LONRF1: variants seen among roughly 807,000 people sequenced by gnomAD.
LONRF1 encodes the protein LON peptidase N-terminal domain and ring finger 1.
In LONRF1, 37 loss-of-function variants were observed where a neutral mutation model predicts 85.8. The ratio of observed to expected loss-of-function variants is 0.43; its 90% CI spans 0.33 to 0.57. The LOEUF is 0.57. LONRF1 is among the 20% of genes least tolerant of loss of function. The pLI is 0.04. For synonymous variants in LONRF1, 517 were observed against 390.1 expected (o/e 1.33, Z -3.83); for missense variants, 1,036 against 978.0 (o/e 1.06, Z -0.79).
intron 7 of LONRF1, 82 bp downstream of exon 7, chr8:12,735,204 T>C: frequency 1.2e-6 from 1 of 852,918 alleles, no homozygotes; most frequent in Non-Finnish European, 1.9e-6. Context: ...AACGTGATCA[T>C]CACTATTTCT....
chr8:12,752,630 CATCTTTCAGAG>C (rs1326075969), intron 1 of LONRF1, among the ~76,000 whole-genome samples: 2 of 152,294 alleles, frequency 1.3e-5, no homozygotes, highest in African/African-American at 4.8e-5. Context: ...AGAGAGATTA[CATCTTTCAGAG>C]CCTTTTCCTG....
chr8:12,748,343 A>G lies in LONRF1; in HGVS notation c.722-5061T>C, dbSNP rs1042307046. Among the ~76,000 whole-genome samples the G allele has an allele frequency of 3.3e-5, 5 of 152,198 alleles. No homozygotes were observed. The South Asian group carries it at 6.2e-4, about 19-fold the overall frequency. On this transcript the variant is annotated intron_variant, in intron 1 of 11. Transcript: ENST00000398246. ...CCTCAGTAGCTGGGACTCCAGGTGC[A>G]TGCCTCCACACCTGGCTAATTTTTA... is the stretch of plus-strand genomic sequence containing the variant.
chr8:12,735,475 TA>T, intron 6 of LONRF1, 75 bp from the exon 7 acceptor site: 1 of 912,604 alleles, frequency 1.1e-6, no homozygotes, highest in Non-Finnish European at 1.8e-6. Context: ...TTTAGAACCA[TA>T]ACACTAATCT....
chr8:12,741,142 G>C, intron 2 of LONRF1, 146 bp from the exon 3 acceptor site: 2 of 783,898 alleles, frequency 2.6e-6, no homozygotes, highest in Non-Finnish European at 4.0e-6. Context: ...CCAGCACTTT[G>C]GGAGGCTGAC....
chr8:12,728,454 G>T (rs1196564957), intron 10 of LONRF1, among the ~76,000 whole-genome samples: 2 of 152,164 alleles, frequency 1.3e-5, no homozygotes, highest in Non-Finnish European at 2.9e-5. Flanking sequence ...TATAAGATTT[G>T]ATGTGTTTAC....
rs758082820 is a variant in LONRF1 at position 12,737,971 on chromosome 8, T to C, written c.1113+24A>G. On this transcript the variant is annotated intron_variant, in intron 4 of 11. Transcript: ENST00000398246. Reference sequence around the variant, plus strand: ...TAAAGAAATGGATACGCTAAACTCATGATAACCTTGTCTCACCCCGTACCT... The same window carrying C: ...TAAAGAAATGGATACGCTAAACTCACGATAACCTTGTCTCACCCCGTACCT... 3.1e-6 allele frequency: 5 copies of C among 1,588,232 alleles called. No individual in the cohort carries two copies. In the East Asian group the frequency reaches 1.1e-4, roughly 36 times the overall value.
rs368234214 is a variant in LONRF1, at chr8:12,741,015, T to A, written c.841-19A>T. 1 of 1,609,586 alleles carries A rather than the reference T, an allele frequency of 6.2e-7. No homozygotes were observed. Among genetic ancestry groups the A allele is most frequent in the Admixed American group, 1.7e-5 (1 of 59,136 alleles). On this transcript the variant is annotated intron_variant, in intron 2 of 11. Coordinates refer to ENST00000398246, the MANE Select transcript of LONRF1 (RefSeq NM_152271.5). ...AGTAGACCTTTAATAAAAGCAGATA[T>A]ATAAAACCTTTGTGTTAAGAATTGC... is the stretch of plus-strand genomic sequence containing the variant.
intron 7 of LONRF1, among the ~76,000 whole-genome samples, chr8:12,733,361 A>G (rs1039346496): frequency 2.6e-5 from 4 of 152,170 alleles, no homozygotes; most frequent in Non-Finnish European, 5.9e-5. Flanking sequence ...CAATCCAACA[A>G]TTGGTTTTAA....
intron 10 of LONRF1, among the ~76,000 whole-genome samples, chr8:12,728,409 G>A (rs968361566): frequency 1.2e-4 from 18 of 152,092 alleles, no homozygotes; most frequent in African/African-American, 4.1e-4. Context: ...GGTTATCTTA[G>A]GCACAAGAAC....
chr8:12,745,319 T>C (rs543677881), intron 1 of LONRF1, among the ~76,000 whole-genome samples: 3,584 of 80,968 alleles, frequency 0.044, 75 homozygotes, highest in South Asian at 0.23. Context: ...ATTATTTTTT[T>C]GGAAAAAAAA....
intron 1 of LONRF1, among the ~76,000 whole-genome samples, chr8:12,744,818 T>A (rs565397780): frequency 1.3e-5 from 2 of 152,194 alleles, no homozygotes; most frequent in Non-Finnish European, 2.9e-5. Flanking sequence ...CAGACTCCGC[T>A]CTAGTACCTC....
At chr8:12,739,677 T>A (rs1001243057) in intron 3 of LONRF1, among the ~76,000 whole-genome samples, 8 of 152,166 alleles carry the variant, frequency 5.3e-5, no homozygotes, top group African/African-American at 1.7e-4. Flanking sequence ...TTCTAAAGCA[T>A]TATTTGTTTT....
At chr8:12,746,136 T>C (rs1378839193) in intron 1 of LONRF1, among the ~76,000 whole-genome samples, 1 of 152,210 alleles carries the variant, frequency 6.6e-6, no homozygotes, top group Non-Finnish European at 1.5e-5. Context: ...ATCCTATCTC[T>C]AGTAATCCTG....
chr8:12,738,634 C>G (rs1382143105), intron 3 of LONRF1: 1 of 152,258 alleles, frequency 6.6e-6, no homozygotes, highest in African/African-American at 2.4e-5. Context: ...AATAACTAAC[C>G]TGTGTGGGCA....
At chr8:12,754,664 G>T (rs1162118421) in intron 1 of LONRF1, 36 bp downstream of exon 1, 2 of 1,299,510 alleles carry the variant, frequency 1.5e-6, no homozygotes, top group Non-Finnish European at 1.9e-6. Flanking sequence ...AGGAGGGTGC[G>T]GTCGGCCCGG....
At position 12,722,931 on chromosome 8, in the gene LONRF1, G is replaced by C. The variant is rs1805969793; in HGVS notation, c.*165C>G. The stretch of plus-strand genomic sequence containing the variant: ...CAAGTTCTTAGTGGTCTAAATCCTA[G>C]TTGAAGGTATTCATTTGCAGAACCA... On this transcript the variant is annotated 3_prime_UTR_variant, in exon 12 of 12. Coordinates refer to ENST00000398246, the MANE Select transcript of LONRF1 (RefSeq NM_152271.5). 11 of 612,316 alleles carry C rather than the reference G, an allele frequency of 1.8e-5. No homozygotes were observed. Among genetic ancestry groups the C allele is most frequent in the Non-Finnish European group, 2.2e-5 (8 of 359,488 alleles). The allele number at this position is 612,316 out of a possible 1,614,324, so 37.9% of individuals were successfully genotyped here.
chr8:12,735,944 T>C (rs767604321), intron 6 of LONRF1, among the ~76,000 whole-genome samples: 13 of 152,306 alleles, frequency 8.5e-5, no homozygotes, highest in East Asian at 1.9e-4. Context: ...TAATACTAAA[T>C]GTATTATTCA....
chr8:12,748,124 A>G (rs1273103988), intron 1 of LONRF1, among the ~76,000 whole-genome samples: 2 of 152,196 alleles, frequency 1.3e-5, no homozygotes, highest in Non-Finnish European at 2.9e-5. Flanking sequence ...AAAAAGTATA[A>G]CAAACGTCTA....
chr8:12,727,263 CGCT>C lies in LONRF1; in HGVS notation c.2011-1387_2011-1385del, dbSNP rs573549519. On this transcript the variant is annotated intron_variant, in intron 10 of 11. Transcript: ENST00000398246. ...GAGCTGGCCAAAAAGCAGGCAGAGA[CGCT>C]TTTAAAGTCTCTGCCTGCTTTTTGG... 6.1e-4 allele frequency: 89 copies of C among 145,096 alleles called. No homozygotes were observed. The East Asian group carries it at 0.015, about 25-fold the overall frequency. The allele number at this position is 145,096 out of a possible 1,614,324, so 9.0% of individuals were successfully genotyped here.
Sources: gnomAD v4.1 joint callset for allele counts (sites outside exome capture counted in the v4.1 genomes callset) on GRCh38, gnomAD v4.1.1 for gene constraint, MANE v1.5 for transcripts, NCBI Gene and HGNC (gene_info 2026-07-23, HGNC 2026-07-21) for gene names.